Variants in LOXL4 observed in about 807,000 individuals in gnomAD.
LOXL4 encodes lysyl oxidase homolog 4.
LOXL4 carries 72 observed loss-of-function variants against 89.1 expected under a neutral mutation model. The ratio of observed to expected loss-of-function variants is 0.81; its 90% CI spans 0.67 to 0.98. The LOEUF is 0.98. Among genes scored for constraint, LOXL4 ranks in the 50% least tolerant of loss-of-function variants. The probability of loss-of-function intolerance (pLI) is 0.00; values close to 1 mark genes in which losing one functional copy is unlikely to be tolerated. For synonymous variants in LOXL4, 355 were observed against 392.1 expected, an observed-to-expected ratio of 0.91 and a Z score of 1.12; for missense variants, 984 against 1,017.5, an observed-to-expected ratio of 0.97 and a Z score of 0.45.
chr10:98,256,523 T>G (rs1430545363), intron 9 of LOXL4: 2 of 527,518 alleles, frequency 3.8e-6, no homozygotes, highest in Non-Finnish European at 6.7e-6. Flanking sequence ...AGCTATTCAT[T>G]CCTCCTCCAC....
At chr10:98,259,933 C>T (rs1391778665) in intron 4 of LOXL4, among the ~76,000 whole-genome samples, 1 of 151,306 alleles carries the variant, frequency 6.6e-6, no homozygotes, top group Non-Finnish European at 1.5e-5. Context: ...ACCAGCACCC[C>T]TGTTTCCTCA....
intron 12 of LOXL4, chr10:98,251,908 T>A (rs756094124): frequency 1.6e-6 from 1 of 610,782 alleles, no homozygotes; most frequent in Non-Finnish European, 2.8e-6. Context: ...AAATCCCTGT[T>A]GAACTAGGAA....
rs1461589817 is a variant in LOXL4, at chr10:98,256,937, G to C, written c.1271C>G (p.Ala424Gly). The change falls in exon 9 of 15, where the codon GCT becomes GGT. Residue 424 changes from alanine (A) to glycine (G), a missense_variant. Physicochemically the swap from Ala to Gly is moderately conservative, Grantham distance 60. Transcript: ENST00000260702. ...NMGFQNQVRLAGGRIPEEGLL... is the reference protein window; with the variant it reads ...NMGFQNQVRLGGGRIPEEGLL... The stretch of plus-strand genomic sequence containing the variant: ...CCCCTCCTCAGGGATACGCCCACCA[G>C]CCAAGCGCACCTGCAATGGCGAGGG... 1.9e-6 allele frequency: 3 copies of C among 1,614,004 alleles called. No homozygotes were observed. The South Asian group carries it at 3.3e-5, about 18-fold the overall frequency.
intron 11 of LOXL4, 37 bp from the exon 12 acceptor site, chr10:98,252,505 A>G (rs1564755827): frequency 6.9e-7 from 1 of 1,442,778 alleles, no homozygotes; most frequent in East Asian, 2.3e-5. Flanking sequence ...CGGCAGCAAC[A>G]GGAGAGGGTC....
intron 3 of LOXL4, 44 bp from the exon 4 acceptor site, chr10:98,261,171 C>T (rs1299871975): frequency 1.3e-6 from 2 of 1,581,022 alleles, no homozygotes; most frequent in African/African-American, 1.3e-5. Context: ...GCTCCTGCTC[C>T]TCCAGTGGAG....
Position 98,262,796 on chromosome 10 carries a change from C to A in LOXL4, c.224G>T (p.Gly75Val), listed in dbSNP as rs776202731. The A allele has an allele frequency of 6.2e-7, 1 of 1,613,450 alleles. No individual in the cohort carries two copies. Residue 75 changes from glycine (G) to valine (V), a missense_variant, in exon 2 of 15, where the codon GGC (glycine) becomes GTC (valine). Physicochemically the swap from Gly to Val is moderately radical, Grantham distance 109 (BLOSUM62 -3). Coordinates refer to ENST00000260702, the MANE Select transcript of LOXL4 (RefSeq NM_032211.7). Reference sequence around the variant, plus strand: ...GGCCCAGGTCAAGGCAGCTTCGAAGCCCAGCTGGCGGCAAGCCACTGTGGC... The same window carrying A: ...GGCCCAGGTCAAGGCAGCTTCGAAGACCAGCTGGCGGCAAGCCACTGTGGC... ...QEATVACRQL[G>V]FEAALTWAHS... is the part of the protein sequence containing the mutation.
In LOXL4 at chr10:98,256,864, G is replaced by C. The variant is rs780634602; in HGVS notation, c.1344C>G (p.Ser448Arg). ...VEVNGVPRWG[S>R]VCSENWGLTE... is the part of the protein sequence containing the mutation. ...TGAGCCCCCAGTTTTCACTGCACAC[G>C]CTCCCCCAGCGTGGGACCCCGTTCA... is the stretch of plus-strand genomic sequence containing the variant. Residue 448 changes from serine to arginine, a missense_variant, in exon 9 of 15, where the codon AGC (serine) becomes AGG (arginine). Coordinates refer to ENST00000260702, the MANE Select transcript of LOXL4 (RefSeq NM_032211.7). The C allele has an allele frequency of 6.2e-7, 1 of 1,614,092 alleles. No homozygotes were observed. The highest frequency in any genetic ancestry group is 8.5e-7 in the Non-Finnish European group (1 of 1,179,958).
chr10:98,249,253 T>G (rs540676882), intron 14 of LOXL4, among the ~76,000 whole-genome samples: 35 of 152,338 alleles, frequency 2.3e-4, no homozygotes, highest in African/African-American at 7.9e-4. Context: ...TGCCCTTTTT[T>G]CCCTCTGTGC....
intron 13 of LOXL4, among the ~76,000 whole-genome samples, 169 bp downstream of exon 13, chr10:98,251,397 G>A (rs1265106560): frequency 6.6e-6 from 1 of 152,314 alleles, no homozygotes; most frequent in East Asian, 1.9e-4. Flanking sequence ...TCAAACACAG[G>A]TTCATTGGAC....
At chr10:98,249,672 A>G (rs918985251) in intron 14 of LOXL4, among the ~76,000 whole-genome samples, 1 of 152,166 alleles carries the variant, frequency 6.6e-6, no homozygotes, top group Non-Finnish European at 1.5e-5. Context: ...GTTGGATCCT[A>G]AACACTGGCA....
At chr10:98,257,880 G>A (rs1311419846) in intron 7 of LOXL4, 76 bp from the exon 8 acceptor site, 5 of 1,578,092 alleles carry the variant, frequency 3.2e-6, no homozygotes, top group African/African-American at 1.3e-5. Flanking sequence ...CTTCACAGAG[G>A]GGGATAACTT....
At chr10:98,257,076 T>G (rs1354337622) in intron 8 of LOXL4, 129 bp from the exon 9 acceptor site, 2 of 1,124,010 alleles carry the variant, frequency 1.8e-6, no homozygotes, top group Non-Finnish European at 2.5e-6. Context: ...TTCTCTGCCT[T>G]GGTCTCCTTC....
rs1207713780 is a variant in LOXL4, at chr10:98,259,072, A to T, written c.858T>A (p.Cys286Ter). The part of the protein sequence containing the change: ...CPGGMHAVVS[C>*]VAGPHFRPPK... ...GTGGGCGGAAGTGAGGCCCTGCCAC[A>T]CAGCTGACCACAGCGTGCATGCCAC... is the stretch of plus-strand genomic sequence containing the variant. Residue 286 changes from cysteine (C) to a stop codon, truncating the protein, a stop_gained, in exon 6 of 15, where the codon TGT becomes TGA. Coordinates refer to ENST00000260702, the MANE Select transcript of LOXL4 (RefSeq NM_032211.7). LOFTEE classifies it high-confidence loss of function. The T allele has an allele frequency of 7.6e-6, 12 of 1,584,766 alleles. No homozygotes were observed. Among genetic ancestry groups the T allele is most frequent in the Non-Finnish European group, 1.0e-5 (12 of 1,164,710 alleles).
Position 98,262,870 on chromosome 10 carries a change from G to C in LOXL4, c.150C>G (p.His50Gln), listed in dbSNP as rs141176738. The stretch of plus-strand genomic sequence containing the variant: ...CACACACGGTGCCCCACTGGCCCTG[G>C]TGCAGCACCTCCAGGCGGCCCTCCT... ...KPEEGRLEVL[H>Q]QGQWGTVCDD... is the part of the protein sequence containing the mutation. The change falls in exon 2 of 15, where the codon CAC (histidine) becomes CAG (glutamine). Residue 50 changes from histidine to glutamine, a missense_variant. Transcript: ENST00000260702. The C allele has an allele frequency of 4.4e-5, 71 of 1,613,622 alleles. No homozygotes were observed. The highest frequency in any genetic ancestry group is 5.8e-5 in the Non-Finnish European group (69 of 1,180,052).
At position 98,248,641 on chromosome 10, in the gene LOXL4, G is replaced by A. The variant is rs1858103026; in HGVS notation, c.*280C>T. The A allele has an allele frequency of 2.5e-6, 1 of 400,096 alleles. No individual in the cohort carries two copies. Among genetic ancestry groups the A allele is most frequent in the Non-Finnish European group, 4.6e-6 (1 of 219,380 alleles). 24.8% of individuals were successfully genotyped at this position (400,096 alleles called of 1,614,324 possible). ...TCCCGGATCTCTGTGGCAAGATTCA[G>A]GGATGACTGGGTTTCCTTACAGAAG... On this transcript the variant is annotated 3_prime_UTR_variant, in exon 15 of 15. Transcript: ENST00000260702.
intron 1 of LOXL4, among the ~76,000 whole-genome samples, chr10:98,267,449 C>G (rs1192918305): frequency 1.3e-5 from 2 of 152,148 alleles, no homozygotes; most frequent in East Asian, 1.9e-4. Flanking sequence ...AGCAAATGCC[C>G]GAGTATTCAA....
At chr10:98,256,678 A>G in intron 9 of LOXL4, 102 bp downstream of exon 9, 3 of 1,379,234 alleles carry the variant, frequency 2.2e-6, no homozygotes, top group Non-Finnish European at 3.0e-6. Flanking sequence ...TCAGTAATGA[A>G]TTGCCAAATG....
chr10:98,254,487 G>C (rs1451716867), intron 10 of LOXL4, among the ~76,000 whole-genome samples: 3 of 152,218 alleles, frequency 2.0e-5, no homozygotes, highest in Admixed American at 2.0e-4. Context: ...ATATTGGAGA[G>C]AGCCAGGAAG....
intron 10 of LOXL4, 100 bp from the exon 11 acceptor site, chr10:98,253,896 C>A: frequency 6.9e-7 from 1 of 1,457,636 alleles, no homozygotes; most frequent in East Asian, 2.4e-5. Flanking sequence ...TTAAACCCTC[C>A]GAGAGGACCC....
Sources: gnomAD v4.1 joint callset for allele counts (sites outside exome capture counted in the v4.1 genomes callset) on GRCh38, gnomAD v4.1.1 for gene constraint, MANE v1.5 for transcripts, NCBI Gene and HGNC (gene_info 2026-07-23, HGNC 2026-07-21) for gene names.